NLGN1: variants seen among roughly 807,000 people sequenced by gnomAD.
NLGN1 encodes neuroligin 1, also known as neuroligin-1.
Under a neutral mutation model 65.5 loss-of-function variants are expected in NLGN1, and 12 were observed. That is an observed-to-expected ratio of 0.18 (90% CI 0.12 to 0.30). The LOEUF (loss-of-function observed/expected upper bound fraction) is 0.30. NLGN1 is among the 10% of genes least tolerant of loss of function. The pLI, the probability that NLGN1 is intolerant of heterozygous loss-of-function variation, is 1.00. For synonymous variants in NLGN1, 350 were observed against 359.5 expected (o/e 0.97, Z 0.30); for missense variants, 750 against 1,007.1 (o/e 0.74, Z 3.46).
chr3:173,647,372 C>A (rs1045412245), intron 3 of NLGN1, among the ~76,000 whole-genome samples: 1 of 152,050 alleles, frequency 6.6e-6, no homozygotes, highest in African/African-American at 2.4e-5. Flanking sequence ...AAACATCCCA[C>A]CCAACAGGAG....
At chr3:173,421,049 G>T (rs1031819339) in intron 1 of NLGN1, among the ~76,000 whole-genome samples, 1 of 151,866 alleles carries the variant, frequency 6.6e-6, no homozygotes, top group Non-Finnish European at 1.5e-5. Context: ...TTTCTTCTAA[G>T]TGTATTGTAA....
intron 4 of NLGN1, among the ~76,000 whole-genome samples, chr3:173,888,880 T>C (rs1005554604): frequency 1.3e-5 from 2 of 152,160 alleles, no homozygotes; most frequent in Non-Finnish European, 2.9e-5. Context: ...GAATATGGAC[T>C]ATTGACAGCT....
At chr3:174,074,701 G>A (rs1455820516) in intron 4 of NLGN1, among the ~76,000 whole-genome samples, 1 of 152,170 alleles carries the variant, frequency 6.6e-6, no homozygotes, top group African/African-American at 2.4e-5. Flanking sequence ...AAGTTTCTGA[G>A]CTTCCCAGTG....
At chr3:173,757,949 G>A (rs1287704448) in intron 3 of NLGN1, among the ~76,000 whole-genome samples, 1 of 151,970 alleles carries the variant, frequency 6.6e-6, no homozygotes, top group Non-Finnish European at 1.5e-5. Context: ...GGATGCTATG[G>A]GCTGAATTGT....
At chr3:173,527,280 A>G (rs1321408680) in intron 2 of NLGN1, among the ~76,000 whole-genome samples, 2 of 152,190 alleles carry the variant, frequency 1.3e-5, no homozygotes, top group South Asian at 2.1e-4. Flanking sequence ...GTATCTCATC[A>G]TAGTTTTGAT....
intron 3 of NLGN1, among the ~76,000 whole-genome samples, chr3:173,630,143 G>A (rs1044642315): frequency 4.6e-5 from 7 of 151,830 alleles, no homozygotes; most frequent in Admixed American, 3.3e-4. Flanking sequence ...GGGAAAGTAA[G>A]CTATTTTAGA....
chr3:173,905,442 T>A (rs1193262539), intron 4 of NLGN1, among the ~76,000 whole-genome samples: 2 of 152,216 alleles, frequency 1.3e-5, no homozygotes, highest in Non-Finnish European at 2.9e-5. Context: ...GAAAGAGCTC[T>A]GGTCCATCAT....
intron 3 of NLGN1, among the ~76,000 whole-genome samples, chr3:173,747,795 C>CTTTTTT (rs1560289220): frequency 1.3e-5 from 1 of 78,576 alleles, no homozygotes; most frequent in African/African-American, 6.2e-5. Context: ...TCTTCTTCTT[C>CTTTTTT]TTGTTCTTTT....
chr3:174,004,180 T>C (rs186784081), intron 4 of NLGN1, among the ~76,000 whole-genome samples: 36 of 152,300 alleles, frequency 2.4e-4, no homozygotes, highest in Non-Finnish European at 1.6e-4. Context: ...CAAAGATTCC[T>C]GTTAGCTTTG....
At chr3:173,428,973 G>C (rs567632725) in intron 1 of NLGN1, among the ~76,000 whole-genome samples, 1 of 151,892 alleles carries the variant, frequency 6.6e-6, no homozygotes, top group East Asian at 1.9e-4. Flanking sequence ...ATATGCTTTG[G>C]AGTAGTCTTA....
chr3:174,043,410 C>G (rs896734929), intron 4 of NLGN1, among the ~76,000 whole-genome samples: 1 of 152,172 alleles, frequency 6.6e-6, no homozygotes, highest in East Asian at 1.9e-4. Context: ...CCCGATGAGC[C>G]TGCAACATCA....
chr3:173,878,842 A>G (rs1285298066), intron 4 of NLGN1, among the ~76,000 whole-genome samples: 1 of 152,088 alleles, frequency 6.6e-6, no homozygotes, highest in Non-Finnish European at 1.5e-5. Context: ...TGGAAATGGA[A>G]TTGCTGAATC....
chr3:174,290,696 A>T (rs1752669031), downstream of NLGN1, among the ~76,000 whole-genome samples: 1 of 151,070 alleles, frequency 6.6e-6, no homozygotes, highest in Admixed American at 6.6e-5. Context: ...TGGATAGAAA[A>T]TTCCTGTAGT....
chr3:173,658,951 G>A (rs556166718), intron 3 of NLGN1, among the ~76,000 whole-genome samples: 25 of 152,040 alleles, frequency 1.6e-4, no homozygotes, highest in Non-Finnish European at 2.4e-4. Flanking sequence ...AAAATTATTC[G>A]AAGAGTACAG....
chr3:173,747,801 C>CTTCTTCTTTTTTTTTTTTTTTTTTTTT (rs1775714048), intron 3 of NLGN1, among the ~76,000 whole-genome samples: 1 of 64,422 alleles, frequency 1.6e-5, no homozygotes, highest in African/African-American at 6.2e-5. Context: ...TCTTCTTGTT[C>CTTCTTCTTTTTTTTTTTTTTTTTTTTT]TTTTTTTTTT....
intron 3 of NLGN1, among the ~76,000 whole-genome samples, chr3:173,749,964 A>G (rs1393076785): frequency 6.6e-6 from 1 of 152,124 alleles, no homozygotes. Context: ...GAAGGTAAAC[A>G]GTTCCCAAAC....
intron 1 of NLGN1, among the ~76,000 whole-genome samples, chr3:173,427,673 AGATACTT>A (rs969861152): frequency 6.6e-6 from 1 of 151,928 alleles, no homozygotes; most frequent in African/African-American, 2.4e-5. Flanking sequence ...TGGTCAGAAA[AGATACTT>A]GATATGATTT....
intron 4 of NLGN1, among the ~76,000 whole-genome samples, chr3:173,826,880 G>T (rs1721437048): frequency 6.6e-6 from 1 of 152,072 alleles, no homozygotes; most frequent in African/African-American, 2.4e-5. Context: ...AAGGTCTCTG[G>T]TTTGCAGTGA....
rs144184793 is a variant in NLGN1, at chr3:174,156,197, A to G, written c.647-119118A>G. On this transcript the variant is annotated intron_variant, in intron 4 of 6. Coordinates refer to ENST00000457714, the Ensembl canonical transcript of NLGN1. Reference sequence around the variant, plus strand: ...GGAGTAAAGGTGGCTGAAACTTGTTATTTGCTAGATAGTGACTTTAGGAAT... The same window carrying G: ...GGAGTAAAGGTGGCTGAAACTTGTTGTTTGCTAGATAGTGACTTTAGGAAT... 7.6e-3 allele frequency among the ~76,000 whole-genome samples: 1,154 copies of G among 151,984 alleles called. 15 individuals carry two copies. The highest frequency in any genetic ancestry group is 0.026 in the African/African-American group (1,063 of 41,506).
Sources: gnomAD v4.1 joint callset for allele counts (sites outside exome capture counted in the v4.1 genomes callset) on GRCh38, gnomAD v4.1.1 for gene constraint, MANE v1.5 for transcripts, NCBI Gene and HGNC (gene_info 2026-07-23, HGNC 2026-07-21) for gene names.